The following CDH13 variants were observed in gnomAD, a reference collection of about 807,000 sequenced individuals.
The protein encoded by CDH13 is cadherin 13, also known as cadherin-13.
Under a neutral mutation model 63.8 loss-of-function variants are expected in CDH13, and 24 were observed. The ratio of observed to expected loss-of-function variants is 0.38; its 90% CI spans 0.27 to 0.53. The LOEUF (loss-of-function observed/expected upper bound fraction) is 0.53, where lower values mean the gene tolerates loss of function less well. Ranked by LOEUF, CDH13 falls within the 20% of genes least tolerant of loss-of-function variation. The pLI, the probability that CDH13 is intolerant of heterozygous loss-of-function variation, is 0.85. For synonymous variants in CDH13, 503 were observed against 355.3 expected (o/e 1.42, Z -4.67); for missense variants, 1,049 against 903.1 (o/e 1.16, Z -2.07).
At chr16:83,508,177 GAGGAAAGGGA>G (rs1337727135) in intron 7 of CDH13, among the ~76,000 whole-genome samples, 12 of 146,494 alleles carry the variant, frequency 8.2e-5, no homozygotes, top group African/African-American at 3.0e-4. Context: ...GAGGAGAGGG[GAGGAAAGGGA>G]AGGGAAGGGA....
At chr16:83,174,286 G>A (rs538882026) in intron 4 of CDH13, among the ~76,000 whole-genome samples, 1 of 151,982 alleles carries the variant, frequency 6.6e-6, no homozygotes, top group African/African-American at 2.4e-5. Context: ...TCCAATTAAT[G>A]CTGCATATAA....
At chr16:83,588,515 T>C (rs1051346480) in intron 7 of CDH13, among the ~76,000 whole-genome samples, 60 of 152,204 alleles carry the variant, frequency 3.9e-4, no homozygotes, top group African/African-American at 1.3e-3. Flanking sequence ...GGCAGTGTCT[T>C]GGGACCTCAG....
intron 1 of CDH13, among the ~76,000 whole-genome samples, chr16:82,628,306 C>T (rs1907601951): frequency 6.6e-6 from 1 of 152,044 alleles, no homozygotes; most frequent in East Asian, 1.9e-4. Context: ...ACAGGGAGTG[C>T]CTCAGGGTGC....
At chr16:82,634,147 C>T (rs566697380) in intron 1 of CDH13, among the ~76,000 whole-genome samples, 1 of 152,358 alleles carries the variant, frequency 6.6e-6, no homozygotes, top group Admixed American at 6.5e-5. Context: ...AGCTGCTCAG[C>T]CATCAACAGC....
intron 4 of CDH13, among the ~76,000 whole-genome samples, chr16:83,207,153 C>T (rs997848305): frequency 1.3e-5 from 2 of 152,114 alleles, no homozygotes; most frequent in African/African-American, 4.8e-5. Context: ...TAAGTACATC[C>T]ACATTATTGT....
At chr16:82,712,544 C>A (rs1342008944) in intron 1 of CDH13, among the ~76,000 whole-genome samples, 1 of 152,186 alleles carries the variant, frequency 6.6e-6, no homozygotes, top group African/African-American at 2.4e-5. Flanking sequence ...AAACTCACTA[C>A]CCTGTGCCCC....
intron 5 of CDH13, among the ~76,000 whole-genome samples, chr16:83,315,270 C>T (rs879337394): frequency 5.3e-5 from 8 of 152,230 alleles, no homozygotes; most frequent in Non-Finnish European, 5.9e-5. Flanking sequence ...AGGTAACATT[C>T]AGAGTGCTGA....
rs180705576 is a variant in CDH13 at position 83,165,154 on chromosome 16, G to A, written c.483+39653G>A. ...AGAATTTAGGAATCCCTAAGAAGGAGAACTAGAGGATCAAGGGAAAAAGGC... is the reference window on the plus strand; with the variant it reads ...AGAATTTAGGAATCCCTAAGAAGGAAAACTAGAGGATCAAGGGAAAAAGGC... On this transcript the variant is annotated intron_variant, in intron 4 of 13. Coordinates refer to ENST00000567109, the MANE Select transcript of CDH13 (RefSeq NM_001257.5). Among the ~76,000 whole-genome samples the A allele has an allele frequency of 5.3e-5, 8 of 151,830 alleles. No individual in the cohort carries two copies. The East Asian group carries it at 1.4e-3, about 26-fold the overall frequency.
In CDH13 at chr16:83,800,165, C is replaced by G. The variant is rs984073194; in HGVS notation, c.*5135C>G. On this transcript the variant is annotated 3_prime_UTR_variant, in exon 14 of 14. Coordinates refer to ENST00000567109, the MANE Select transcript of CDH13 (RefSeq NM_001257.5). ...GTGAAAAGCGTTGGGTGGTGTAGGA[C>G]GAGGGAGGTTTTCACTCTGAAGCTA... 2 of 151,974 alleles carry G rather than the reference C, an allele frequency of 1.3e-5. No homozygotes were observed. Among genetic ancestry groups the G allele is most frequent in the African/African-American group, 4.8e-5 (2 of 41,352 alleles). The allele number at this position is 151,974 out of a possible 1,614,324, so 9.4% of individuals were successfully genotyped here. A position where few individuals can be genotyped will look rare whatever the true frequency, so the allele number is the denominator to read the frequency against.
chr16:83,782,217 C>A (rs1206314038), intron 12 of CDH13, among the ~76,000 whole-genome samples: 1 of 152,038 alleles, frequency 6.6e-6, no homozygotes, highest in Non-Finnish European at 1.5e-5. Flanking sequence ...GAAAGGGGCA[C>A]TTAAAAATAC....
rs116668968 is a variant in CDH13, at chr16:82,965,112, A to G, written c.158-66898A>G. On this transcript the variant is annotated intron_variant, in intron 2 of 13. Coordinates refer to ENST00000567109, the MANE Select transcript of CDH13 (RefSeq NM_001257.5). Reference sequence around the variant, plus strand: ...AAATGTTAAAACTGATCCACTCTCTAACCAGGAATACTGTTGTCTCACATT... The same window carrying G: ...AAATGTTAAAACTGATCCACTCTCTGACCAGGAATACTGTTGTCTCACATT... 5.6e-3 allele frequency among the ~76,000 whole-genome samples: 849 copies of G among 152,324 alleles called. 6 individuals carry two copies. The highest frequency in any genetic ancestry group is 0.02 in the African/African-American group (829 of 41,562).
At chr16:83,377,941 A>G (rs866903011) in intron 6 of CDH13, among the ~76,000 whole-genome samples, 1 of 152,206 alleles carries the variant, frequency 6.6e-6, no homozygotes, top group Non-Finnish European at 1.5e-5. Context: ...GAAGCAGACC[A>G]TTGAGGTCTT....
chr16:83,342,843 GTTTTTTTTTTTTT>G (rs778316746), intron 5 of CDH13, among the ~76,000 whole-genome samples: 1 of 65,316 alleles, frequency 1.5e-5, no homozygotes, highest in Non-Finnish European at 2.6e-5. Flanking sequence ...TTTTGTTTCT[GTTTTTTTTTTTTT>G]TTTTTTTTTT....
intron 2 of CDH13, among the ~76,000 whole-genome samples, chr16:82,930,369 A>T (rs1414337308): frequency 1.3e-5 from 2 of 152,130 alleles, no homozygotes; most frequent in African/African-American, 2.4e-5. Context: ...TCAACAGCTA[A>T]CATTTAACAG....
At chr16:83,256,065 A>T (rs1285769032) in intron 5 of CDH13, among the ~76,000 whole-genome samples, 1 of 152,184 alleles carries the variant, frequency 6.6e-6, no homozygotes, top group Non-Finnish European at 1.5e-5. Context: ...ACAGGGTCTC[A>T]TTTTGTCACC....
intron 4 of CDH13, among the ~76,000 whole-genome samples, chr16:83,137,421 C>T (rs147721119): frequency 3.3e-5 from 5 of 152,156 alleles, no homozygotes; most frequent in African/African-American, 4.8e-5. Context: ...TTAACCTCGC[C>T]AACATTTATT....
At chr16:83,704,915 C>G (rs1205427412) in intron 10 of CDH13, among the ~76,000 whole-genome samples, 1 of 152,236 alleles carries the variant, frequency 6.6e-6, no homozygotes, top group Non-Finnish European at 1.5e-5. Context: ...CCAGTGCTCC[C>G]TGGAGTTGAA....
At chr16:83,291,296 G>A (rs953364592) in intron 5 of CDH13, among the ~76,000 whole-genome samples, 1 of 152,104 alleles carries the variant, frequency 6.6e-6, no homozygotes, top group Non-Finnish European at 1.5e-5. Flanking sequence ...AATATATTCA[G>A]GGGGTTCTAC....
chr16:82,709,074 G>C (rs983054518), intron 1 of CDH13, among the ~76,000 whole-genome samples: 1 of 152,170 alleles, frequency 6.6e-6, no homozygotes, highest in Admixed American at 6.5e-5. Context: ...TACATCGCTG[G>C]TCAGCTCCTC....
Sources: gnomAD v4.1 joint callset for allele counts (sites outside exome capture counted in the v4.1 genomes callset) on GRCh38, gnomAD v4.1.1 for gene constraint, MANE v1.5 for transcripts, NCBI Gene and HGNC (gene_info 2026-07-23, HGNC 2026-07-21) for gene names.